Variants in PRPF18 observed in about 807,000 individuals in gnomAD.
PRPF18 encodes the protein pre-mRNA processing factor 18, also known as pre-mRNA-splicing factor 18.
In PRPF18, 38 loss-of-function variants were observed where a neutral mutation model predicts 46.5. The observed-to-expected ratio is 0.82, with a 90% CI of 0.63 to 1.07. The LOEUF (loss-of-function observed/expected upper bound fraction) is 1.07, where lower values mean the gene tolerates loss of function less well. Among genes scored for constraint, PRPF18 ranks in the 50% least tolerant of loss-of-function variants. The pLI is 0.00. For missense variants in PRPF18, 263 were observed against 410.0 expected, an observed-to-expected ratio of 0.64 and a Z score of 3.10; for synonymous variants, 152 against 146.7, an observed-to-expected ratio of 1.04 and a Z score of -0.26.
chr10:13,618,295 C>A (rs569028585), intron 9 of PRPF18, among the ~76,000 whole-genome samples: 1 of 152,100 alleles, frequency 6.6e-6, no homozygotes, highest in Admixed American at 6.5e-5. Context: ...GACCCATATA[C>A]CCTTTTGCTT....
chr10:13,599,784 T>G (rs577726865), intron 2 of PRPF18, among the ~76,000 whole-genome samples: 1 of 152,382 alleles, frequency 6.6e-6, no homozygotes, highest in South Asian at 2.1e-4. Context: ...TAGGAAAAGC[T>G]AGAGCTTGAA....
In PRPF18 at chr10:13,611,534, T is replaced by C. The variant is rs75775522; in HGVS notation, c.511-81T>C. 6.5e-3 allele frequency: 7,391 copies of C among 1,139,686 alleles called. 173 individuals are homozygous for C. Among genetic ancestry groups the C allele is most frequent in the East Asian group, 0.044 (1,886 of 42,440 alleles). The allele number at this position is 1,139,686 out of a possible 1,614,324, so 70.6% of individuals were successfully genotyped here. A position where few individuals can be genotyped will look rare whatever the true frequency, so the allele number is the denominator to read the frequency against. ...GAACAGCATATGTGACCAAGAGCCATGTTTAGACTGGTGTTGGTAATATAT... is the reference window on the plus strand; with the variant it reads ...GAACAGCATATGTGACCAAGAGCCACGTTTAGACTGGTGTTGGTAATATAT... On this transcript the variant is annotated intron_variant, in intron 5 of 9. Coordinates refer to ENST00000378572, the MANE Select transcript of PRPF18 (RefSeq NM_003675.4).
At chr10:13,648,563 A>G in the PRPF18 span, 8 of 152,088 alleles carry the variant, frequency 5.3e-5, no homozygotes, top group Non-Finnish European at 8.8e-5. Context: ...CCCTGGTTCA[A>G]AGGTGGCCAC....
At chr10:13,654,318 A>G in the PRPF18 span, 1 of 844,136 alleles carries the variant, frequency 1.2e-6, no homozygotes, top group East Asian at 2.4e-5. Flanking sequence ...ATGAACCCTC[A>G]TCATCCATTT....
the PRPF18 span, chr10:13,652,231 TTATGCCAAGAACCAAAA>T: frequency 1.9e-6 from 1 of 528,276 alleles, no homozygotes; most frequent in South Asian, 2.4e-5. Context: ...AGCAAACAGT[TTATGCCAAGAACCAAAA>T]TTGCTGTTTT....
intron 1 of PRPF18, among the ~76,000 whole-genome samples, chr10:13,594,024 T>G (rs1159176228): frequency 5.3e-5 from 8 of 152,210 alleles, no homozygotes; most frequent in Admixed American, 4.6e-4. Flanking sequence ...GAACGCCAAG[T>G]GGACTTAAAC....
intron 6 of PRPF18, 34 bp downstream of exon 6, chr10:13,611,717 T>C (rs767961130): frequency 1.9e-5 from 29 of 1,563,846 alleles, no homozygotes; most frequent in Non-Finnish European, 2.4e-5. Flanking sequence ...GAGGATGCCT[T>C]GGATCCTTAT....
At chr10:13,589,221 A>G (rs1329852537) in intron 1 of PRPF18, among the ~76,000 whole-genome samples, 1 of 152,224 alleles carries the variant, frequency 6.6e-6, no homozygotes, top group Non-Finnish European at 1.5e-5. Context: ...CACTTTGTTC[A>G]GTTTGGGGAA....
At position 13,608,321 on chromosome 10, in the gene PRPF18, T is replaced by A. The variant is rs567406070; in HGVS notation, c.364-1718T>A. Among the ~76,000 whole-genome samples, 356 of 152,358 alleles carry A rather than the reference T, an allele frequency of 2.3e-3. 1 individual carries two copies. Among genetic ancestry groups the A allele is most frequent in the South Asian group, 0.016 (78 of 4,830 alleles). ...GTCTTCTAAGCTGATATCTTGCCCC[T>A]TTCCTGGCGTCTCAGTTGGAATGGC... On this transcript the variant is annotated intron_variant, in intron 4 of 9. Coordinates refer to ENST00000378572, the MANE Select transcript of PRPF18 (RefSeq NM_003675.4).
the PRPF18 span, chr10:13,655,722 TC>T: frequency 6.6e-6 from 1 of 152,204 alleles, no homozygotes; most frequent in Admixed American, 6.5e-5. Context: ...TTTACCAAAT[TC>T]CTGACTCAGA....
intron 4 of PRPF18, among the ~76,000 whole-genome samples, chr10:13,608,417 T>A (rs974658146): frequency 1.3e-5 from 2 of 152,240 alleles, no homozygotes; most frequent in Non-Finnish European, 2.9e-5. Context: ...GTCTGACTGC[T>A]TTCTTTGTTG....
intron 1 of PRPF18, chr10:13,591,541 G>T: frequency 1.4e-6 from 1 of 722,576 alleles, no homozygotes; most frequent in South Asian, 1.4e-5. Flanking sequence ...GAATAGCTTT[G>T]ATTTTTGGTA....
intron 1 of PRPF18, 39 bp from the exon 2 acceptor site, chr10:13,597,418 TC>T: frequency 7.0e-7 from 1 of 1,427,660 alleles, no homozygotes; most frequent in Non-Finnish European, 9.5e-7. Context: ...GAAATTTTGC[TC>T]AAGGATATAT....
chr10:13,652,237 C>A, the PRPF18 span: 1 of 515,310 alleles, frequency 1.9e-6, no homozygotes, highest in Non-Finnish European at 3.5e-6. Context: ...CAGTTTATGC[C>A]AAGAACCAAA....
At chr10:13,652,231 T>G in the PRPF18 span, 1 of 528,276 alleles carries the variant, frequency 1.9e-6, no homozygotes, top group Non-Finnish European at 3.4e-6. Flanking sequence ...AGCAAACAGT[T>G]TATGCCAAGA....
At chr10:13,648,113 A>T in the PRPF18 span, 2 of 152,212 alleles carry the variant, frequency 1.3e-5, no homozygotes, top group African/African-American at 4.8e-5. Context: ...AATGTTTCTC[A>T]TCTGGCCTTA....
Position 13,612,622 on chromosome 10 carries a change from CT to C in PRPF18, c.579+965del, listed in dbSNP as rs61113168. On this transcript the variant is annotated intron_variant, in intron 6 of 9. Transcript: ENST00000378572. ...AACCCAAGGAAGAAGAGGGTTCTAG[CT>C]TTTTTTTTTTTTTTTTTTTTTTTTT... Among the ~76,000 whole-genome samples the C allele has an allele frequency of 6.4e-3, 487 of 76,156 alleles. 6 individuals are homozygous for C. The highest frequency in any genetic ancestry group is 0.019 in the Middle Eastern group (2 of 104). 50.0% of individuals were successfully genotyped at this position (76,156 alleles called of 152,430 possible).
the PRPF18 span, chr10:13,642,218 C>G: frequency 1.3e-5 from 2 of 152,220 alleles, no homozygotes; most frequent in African/African-American, 4.8e-5. Flanking sequence ...TCTCTTCCTC[C>G]TGTTTAATGC....
chr10:13,589,497 A>G (rs972216956), intron 1 of PRPF18, among the ~76,000 whole-genome samples: 2 of 152,198 alleles, frequency 1.3e-5, no homozygotes, highest in Non-Finnish European at 1.5e-5. Flanking sequence ...TGTTTAGAGA[A>G]ACTGGCTCCC....
Sources: gnomAD v4.1 joint callset for allele counts (sites outside exome capture counted in the v4.1 genomes callset) on GRCh38, gnomAD v4.1.1 for gene constraint, MANE v1.5 for transcripts, NCBI Gene and HGNC (gene_info 2026-07-23, HGNC 2026-07-21) for gene names.